The following XKR6 variants were observed in gnomAD, a reference collection of about 807,000 sequenced individuals.
XKR6 encodes XK related 6.
In XKR6, 22 loss-of-function variants were observed where a neutral mutation model predicts 56.7. The ratio of observed to expected loss-of-function variants is 0.39; its 90% confidence interval spans 0.28 to 0.55. The LOEUF is 0.55. Ranked by LOEUF, XKR6 falls within the 20% of genes least tolerant of loss-of-function variation. The pLI is 0.66. For missense variants in XKR6, 852 were observed against 889.0 expected, an observed-to-expected ratio of 0.96 and a Z score of 0.53; for synonymous variants, 524 against 387.8, an observed-to-expected ratio of 1.35 and a Z score of -4.13.
At chr8:11,001,883 G>T (rs1412798390) in intron 1 of XKR6, among the ~76,000 whole-genome samples, 2 of 152,094 alleles carry the variant, frequency 1.3e-5, no homozygotes, top group African/African-American at 4.8e-5. Flanking sequence ...AGAGACCTTG[G>T]AGAGCCCTGG....
intron 1 of XKR6, among the ~76,000 whole-genome samples, chr8:10,977,955 G>A (rs925032435): frequency 6.6e-6 from 1 of 152,124 alleles, no homozygotes; most frequent in African/African-American, 2.4e-5. Context: ...CCATTTTGGA[G>A]CAGAAACTGT....
At chr8:11,144,869 G>C (rs1202138820) in intron 1 of XKR6, among the ~76,000 whole-genome samples, 1 of 151,238 alleles carries the variant, frequency 6.6e-6, no homozygotes, top group African/African-American at 2.4e-5. Context: ...GGGGTAGGGA[G>C]GGGAAAGGAG....
intron 1 of XKR6, among the ~76,000 whole-genome samples, chr8:11,039,600 G>T (rs1469898018): frequency 1.3e-5 from 2 of 152,216 alleles, no homozygotes; most frequent in East Asian, 1.9e-4. Flanking sequence ...AACGTCCAGG[G>T]TGGATGGAAC....
At chr8:11,117,358 C>CTTAAT (rs1799231315) in intron 1 of XKR6, among the ~76,000 whole-genome samples, 1 of 152,208 alleles carries the variant, frequency 6.6e-6, no homozygotes, top group African/African-American at 2.4e-5. Context: ...TTCTTAATTT[C>CTTAAT]TGTGGGAGTC....
chr8:11,147,587 C>T (rs775476030), intron 1 of XKR6, among the ~76,000 whole-genome samples: 10 of 146,896 alleles, frequency 6.8e-5, no homozygotes, highest in Non-Finnish European at 1.2e-4. Flanking sequence ...ACCTGGGAGG[C>T]GGAGGTTGCA....
At chr8:10,980,691 T>C (rs548528952) in intron 1 of XKR6, among the ~76,000 whole-genome samples, 3 of 152,344 alleles carry the variant, frequency 2.0e-5, no homozygotes, top group African/African-American at 4.8e-5. Context: ...TCTCTATCTA[T>C]TGACCTACCC....
chr8:11,133,667 C>T (rs935187161), intron 1 of XKR6, among the ~76,000 whole-genome samples: 21 of 152,088 alleles, frequency 1.4e-4, no homozygotes, highest in Admixed American at 6.5e-5. Flanking sequence ...CAGGGCTATA[C>T]CTCCTCCTTT....
intron 1 of XKR6, among the ~76,000 whole-genome samples, chr8:11,029,270 G>C (rs1489475752): frequency 6.6e-6 from 1 of 152,182 alleles, no homozygotes; most frequent in Non-Finnish European, 1.5e-5. Flanking sequence ...ATTTCCTTTT[G>C]TCTCTGAATG....
chr8:11,063,671 A>C (rs894346877), intron 1 of XKR6, among the ~76,000 whole-genome samples: 3 of 152,196 alleles, frequency 2.0e-5, no homozygotes, highest in African/African-American at 7.2e-5. Context: ...GTAAGGGTTA[A>C]ATTTTAATAT....
chr8:10,990,491 G>A (rs1258055751), intron 1 of XKR6, among the ~76,000 whole-genome samples: 1 of 152,224 alleles, frequency 6.6e-6, no homozygotes, highest in African/African-American at 2.4e-5. Context: ...GTGCTGAAAA[G>A]CCTGTTCTGG....
At chr8:11,010,086 C>T (rs1390836219) in intron 1 of XKR6, among the ~76,000 whole-genome samples, 1 of 151,990 alleles carries the variant, frequency 6.6e-6, no homozygotes. Flanking sequence ...GGCTGAGGAG[C>T]CCTCAGGAAG....
chr8:11,153,516 T>C (rs960158082), intron 1 of XKR6, among the ~76,000 whole-genome samples: 1 of 152,190 alleles, frequency 6.6e-6, no homozygotes, highest in Admixed American at 6.5e-5. Context: ...AACCGGTCTT[T>C]TGCTCATTTG....
chr8:10,988,884 G>A lies in XKR6; in HGVS notation c.765-64054C>T, dbSNP rs60426192. On this transcript the variant is annotated intron_variant, in intron 1 of 2. Transcript: ENST00000416569. ...TGCAGATTCCCTTTGCTGTCCGGTG[G>A]CTTGTGGAACGTTTCTTGATGACCC... 3.8e-3 allele frequency among the ~76,000 whole-genome samples: 583 copies of A among 152,344 alleles called. 6 individuals carry two copies. Among genetic ancestry groups the A allele is most frequent in the African/African-American group, 0.013 (561 of 41,578 alleles).
intron 1 of XKR6, among the ~76,000 whole-genome samples, chr8:10,970,256 G>C (rs1033764197): frequency 3.9e-5 from 6 of 152,204 alleles, no homozygotes; most frequent in Non-Finnish European, 8.8e-5. Flanking sequence ...AGAGGACAGG[G>C]TACCAGGTCT....
At chr8:11,071,050 C>A (rs1391157968) in intron 1 of XKR6, among the ~76,000 whole-genome samples, 1 of 152,186 alleles carries the variant, frequency 6.6e-6, no homozygotes, top group Non-Finnish European at 1.5e-5. Context: ...CTCCTCCTGG[C>A]CAGTTCATCT....
At chr8:11,104,257 A>G (rs1296375754) in intron 1 of XKR6, among the ~76,000 whole-genome samples, 5 of 152,232 alleles carry the variant, frequency 3.3e-5, no homozygotes, top group Non-Finnish European at 4.4e-5. Context: ...TGTGAATCTG[A>G]CTGGAGATCA....
intron 1 of XKR6, among the ~76,000 whole-genome samples, chr8:10,974,167 C>T (rs1802487334): frequency 1.3e-5 from 2 of 152,206 alleles, no homozygotes; most frequent in South Asian, 2.1e-4. Flanking sequence ...CCAGGAGGTA[C>T]TTGGCAGCTT....
At chr8:10,989,528 G>C (rs1013990302) in intron 1 of XKR6, among the ~76,000 whole-genome samples, 10 of 152,212 alleles carry the variant, frequency 6.6e-5, no homozygotes, top group Non-Finnish European at 1.3e-4. Context: ...TAAAATGATG[G>C]CTTTCACCAT....
chr8:10,972,403 G>A (rs899083125), intron 1 of XKR6, among the ~76,000 whole-genome samples: 47 of 152,180 alleles, frequency 3.1e-4, no homozygotes, highest in Non-Finnish European at 2.5e-4. Flanking sequence ...AACTCCAAAG[G>A]CTGCTGCTTA....
Sources: gnomAD v4.1 joint callset for allele counts (sites outside exome capture counted in the v4.1 genomes callset) on GRCh38, gnomAD v4.1.1 for gene constraint, MANE v1.5 for transcripts, NCBI Gene and HGNC (gene_info 2026-07-23, HGNC 2026-07-21) for gene names.